SCARF1: variants seen among roughly 807,000 people sequenced by gnomAD.
SCARF1 encodes scavenger receptor class F member 1, also known as acetyl LDL receptor.
Under a neutral mutation model 76.3 loss-of-function variants are expected in SCARF1, and 49 were observed. The observed-to-expected ratio is 0.64, with a 90% CI of 0.51 to 0.81. The LOEUF (loss-of-function observed/expected upper bound fraction) is 0.81. Ranked by LOEUF, SCARF1 falls within the 40% of genes least tolerant of loss-of-function variation. SCARF1 has a pLI of 0.00. For missense variants in SCARF1, 1,098 were observed against 1,143.9 expected (o/e 0.96, Z 0.58); for synonymous variants, 495 against 474.6 (o/e 1.04, Z -0.56).
chr17:1,642,041 G>GT (rs1162091863), intron 4 of SCARF1, among the ~76,000 whole-genome samples: 1 of 152,140 alleles, frequency 6.6e-6, no homozygotes, highest in Admixed American at 6.5e-5. Flanking sequence ...ATTTCTTACT[G>GT]TGAGTGCAGC....
intron 4 of SCARF1, among the ~76,000 whole-genome samples, chr17:1,643,133 G>A (rs1273792497): frequency 1.0e-5 from 1 of 96,404 alleles, no homozygotes; most frequent in Non-Finnish European, 2.0e-5. Context: ...ACAGGTCTCC[G>A]CGCAGCCTCG....
At position 1,635,083 on chromosome 17, in the gene SCARF1, T is replaced by C. The variant is rs528973386; in HGVS notation, c.2168A>G (p.Lys723Arg). ...AGGCTTAGGGATGGCCCTCTTGACC[T>C]TGGCTTCCGCCTGGCCTTTCTGGAA... Reference protein sequence around the residue: ...GSFQKGQAEAKVKRAIPKPPR... With the variant: ...GSFQKGQAEARVKRAIPKPPR... The change falls in exon 11 of 11, where the codon AAG (lysine) becomes AGG (arginine). Residue 723 changes from lysine (K) to arginine (R), a missense_variant. Transcript: ENST00000263071. 3.7e-6 allele frequency: 6 copies of C among 1,613,982 alleles called. No individual in the cohort carries two copies. Among genetic ancestry groups the C allele is most frequent in the Non-Finnish European group, 5.1e-6 (6 of 1,179,988 alleles).
Position 1,636,860 on chromosome 17 carries a change from A to G in SCARF1, c.1487-5T>C, listed in dbSNP as rs1434733169. ...CCTCCGGGTCGTGATGTGAGACTGTAGAGACTCCAGATCAGGCGCCTGCAG... is the reference window on the plus strand; with the variant it reads ...CCTCCGGGTCGTGATGTGAGACTGTGGAGACTCCAGATCAGGCGCCTGCAG... On this transcript the variant is annotated splice_region_variant and splice_polypyrimidine_tract_variant and intron_variant, in intron 9 of 10. Coordinates refer to ENST00000263071, the MANE Select transcript of SCARF1 (RefSeq NM_003693.4). 2 of 1,613,886 alleles carry G rather than the reference A, an allele frequency of 1.2e-6. No homozygotes were observed. The highest frequency in any genetic ancestry group is 1.7e-6 in the Non-Finnish European group (2 of 1,179,962).
intron 4 of SCARF1, among the ~76,000 whole-genome samples, chr17:1,641,571 T>C (rs1468636777): frequency 6.6e-6 from 1 of 152,228 alleles, no homozygotes. Context: ...AATTTCCCAT[T>C]GATGCCTAAT....
At position 1,643,548 on chromosome 17, in the gene SCARF1, G is replaced by C; in HGVS notation, c.685C>G (p.Arg229Gly). 1 of 1,430,222 alleles carries C rather than the reference G, an allele frequency of 7.0e-7. No individual in the cohort carries two copies. The highest frequency in any genetic ancestry group is 9.1e-7 in the Non-Finnish European group (1 of 1,095,878). 88.6% of individuals were successfully genotyped at this position (1,430,222 alleles called of 1,614,324 possible). A position where few individuals can be genotyped will look rare whatever the true frequency, so the allele number is the denominator to read the frequency against. The stretch of plus-strand genomic sequence containing the variant: ...CACTCGCCGGAGGCGGCGCTGCAGC[G>C]GCCCCGCACACACTCGCACTGCTGC... ...CQQQCECVRG[R>G]CSAASGECTC... The change falls in exon 4 of 11, where the codon CGC becomes GGC. Residue 229 changes from arginine (R) to glycine (G), a missense_variant. Transcript: ENST00000263071.
chr17:1,636,140 G>A (rs1010786659), intron 10 of SCARF1, among the ~76,000 whole-genome samples: 7 of 152,026 alleles, frequency 4.6e-5, no homozygotes, highest in Non-Finnish European at 8.8e-5. Context: ...CACACACATC[G>A]TCCCTGACCC....
Position 1,645,051 on chromosome 17 carries a change from G to A in SCARF1, c.164-116C>T. ...AAGAGGTGCCCCTTCAGGCCTGGGG[G>A]TGCGTCACAGGAGAAACCCTGACTC... is the stretch of plus-strand genomic sequence containing the variant. On this transcript the variant is annotated intron_variant, in intron 2 of 10. Transcript: ENST00000263071. The surrounding 1 kb of genome is among the most constrained non-coding windows in gnomAD (Gnocchi z 6.3). The A allele has an allele frequency of 6.6e-7, 1 of 1,520,936 alleles. No individual in the cohort carries two copies. Among genetic ancestry groups the A allele is most frequent in the Non-Finnish European group, 9.0e-7 (1 of 1,110,280 alleles). The allele number at this position is 1,520,936 out of a possible 1,614,324, so 94.2% of individuals were successfully genotyped here. A position where few individuals can be genotyped will look rare whatever the true frequency, so the allele number is the denominator to read the frequency against.
chr17:1,645,146 T>A lies in SCARF1; in HGVS notation c.163+32A>T. On this transcript the variant is annotated intron_variant, in intron 2 of 10. Coordinates refer to ENST00000263071, the MANE Select transcript of SCARF1 (RefSeq NM_003693.4). The surrounding 1 kb of genome is among the most constrained non-coding windows in gnomAD (Gnocchi z 6.3). ...TGTCACTGGGCTACGGCCTCCCTTC[T>A]CCTTGGCTGAGGGTCTGTCCTGGCT... The A allele has an allele frequency of 1.2e-6, 2 of 1,613,514 alleles. No homozygotes were observed. Among genetic ancestry groups the A allele is most frequent in the Non-Finnish European group, 1.7e-6 (2 of 1,179,720 alleles).
intron 8 of SCARF1, chr17:1,638,064 G>A (rs1909729303): frequency 6.6e-6 from 1 of 152,138 alleles, no homozygotes; most frequent in Admixed American, 6.5e-5. Flanking sequence ...AGGTGGAGAG[G>A]GGCTTCCTGT....
chr17:1,642,727 T>C (rs1910154250), intron 4 of SCARF1, among the ~76,000 whole-genome samples: 1 of 152,210 alleles, frequency 6.6e-6, no homozygotes. Flanking sequence ...TTTGTTTTGT[T>C]TGAGACGGAG....
rs1909929987 is a variant in SCARF1, at chr17:1,640,287, C to G, written c.1010+161G>C. On this transcript the variant is annotated intron_variant, in intron 5 of 10. Coordinates refer to ENST00000263071, the MANE Select transcript of SCARF1 (RefSeq NM_003693.4). The surrounding 1 kb of genome is among the most constrained non-coding windows in gnomAD (Gnocchi z 4.7). ...GAGGGAGCTGGGATCCTGCCCAGGC[C>G]CCCCCAGAACCCACTGCTCTCCCCC... 10 of 791,320 alleles carry G rather than the reference C, an allele frequency of 1.3e-5. No individual in the cohort carries two copies. Among genetic ancestry groups the G allele is most frequent in the Non-Finnish European group, 1.6e-5 (8 of 505,896 alleles). The allele number at this position is 791,320 out of a possible 1,614,324, so 49.0% of individuals were successfully genotyped here.
intron 8 of SCARF1, 159 bp downstream of exon 8, chr17:1,638,643 CTCTG>C: frequency 5.1e-6 from 5 of 975,216 alleles, no homozygotes; most frequent in Non-Finnish European, 7.1e-6. Context: ...CCCCCATCAC[CTCTG>C]ACCCACGGGG....
At position 1,638,875 on chromosome 17, in the gene SCARF1, A is replaced by C; in HGVS notation, c.1295T>G (p.Leu432Arg). 1.9e-6 allele frequency: 3 copies of C among 1,610,752 alleles called. No individual in the cohort carries two copies. The highest frequency in any genetic ancestry group is 2.5e-6 in the Non-Finnish European group (3 of 1,178,214). Residue 432 changes from leucine (L) to arginine (R), a missense_variant, in exon 8 of 11, where the codon CTG becomes CGG. Coordinates refer to ENST00000263071, the MANE Select transcript of SCARF1 (RefSeq NM_003693.4). The stretch of plus-strand genomic sequence containing the variant: ...GCAGGCAAGGCCCAGGAAGAGCAGC[A>C]GCAGAGGCACAAGGCTGCCCGCGAT... ...ALIAGSLVPL[L>R]LLFLGLACCA...
chr17:1,645,686 C>T lies in SCARF1; in HGVS notation c.12G>A (p.Gly4=), dbSNP rs528413033. 10 of 1,604,414 alleles carry T rather than the reference C, an allele frequency of 6.2e-6. No homozygotes were observed. In the South Asian group the frequency reaches 8.9e-5, roughly 14 times the overall value. Residue 4 remains glycine, a synonymous_variant, in exon 1 of 11, where the codon GGG becomes GGA. Transcript: ENST00000263071. This position sits in a 1 kb window ranked among gnomAD's most constrained non-coding sequence, Gnocchi z 6.3. MGL[G]LLLPLLLLWT... is the part of the protein sequence containing the mutation. ...AGAGCAGCAGCAGCGGGAGCAGCAG[C>T]CCCAGCCCCATGGCAGGCAGCTCGG...
In SCARF1 at chr17:1,640,333, C is replaced by A. The variant is rs915584794; in HGVS notation, c.1010+115G>T. On this transcript the variant is annotated intron_variant, in intron 5 of 10. Coordinates refer to ENST00000263071, the MANE Select transcript of SCARF1 (RefSeq NM_003693.4). The surrounding 1 kb of genome is among the most constrained non-coding windows in gnomAD (Gnocchi z 4.7). ...CCCCCAGTCTTCAACAGGAGGGAGG[C>A]CCCTGGGGCCGCATGAACCTGTGTG... 9.8e-6 allele frequency: 10 copies of A among 1,020,678 alleles called. No individual in the cohort carries two copies. The African/African-American group carries it at 1.1e-4, about 12-fold the overall frequency. 63.2% of individuals were successfully genotyped at this position (1,020,678 alleles called of 1,614,324 possible). A position where few individuals can be genotyped will look rare whatever the true frequency, so the allele number is the denominator to read the frequency against.
rs1381418794 is a variant in SCARF1 at position 1,643,984 on chromosome 17, G to T, written c.266-17C>A. The T allele has an allele frequency of 7.6e-7, 1 of 1,313,280 alleles. No individual in the cohort carries two copies. The highest frequency in any genetic ancestry group is 2.1e-5 in the South Asian group (1 of 47,872). 81.4% of individuals were successfully genotyped at this position (1,313,280 alleles called of 1,614,324 possible). A position where few individuals can be genotyped will look rare whatever the true frequency, so the allele number is the denominator to read the frequency against. ...CCGGGCAGCCTGCGGGGGTGGGGACGGGAGGGGTCAGCGGGCTCAGGGCCG... is the reference window on the plus strand; with the variant it reads ...CCGGGCAGCCTGCGGGGGTGGGGACTGGAGGGGTCAGCGGGCTCAGGGCCG... On this transcript the variant is annotated splice_polypyrimidine_tract_variant and intron_variant, in intron 3 of 10. Coordinates refer to ENST00000263071, the MANE Select transcript of SCARF1 (RefSeq NM_003693.4).
At position 1,644,761 on chromosome 17, in the gene SCARF1, C is replaced by T; in HGVS notation, c.265+73G>A. 2 of 1,419,808 alleles carry T rather than the reference C, an allele frequency of 1.4e-6. No homozygotes were observed. Among genetic ancestry groups the T allele is most frequent in the Admixed American group, 3.9e-5 (2 of 51,102 alleles). 88.0% of individuals were successfully genotyped at this position (1,419,808 alleles called of 1,614,324 possible). On this transcript the variant is annotated intron_variant, in intron 3 of 10. Transcript: ENST00000263071. This position sits in a 1 kb window ranked among gnomAD's most constrained non-coding sequence, Gnocchi z 4.8. ...TGTCCTGAGGCTGCATGGCTACCTG[C>T]CTCGCCTGCTCCCACACCACTGCCC...
At chr17:1,638,468 C>G (rs1909758120) in intron 8 of SCARF1, 1 of 184,410 alleles carries the variant, frequency 5.4e-6, no homozygotes, top group Admixed American at 6.2e-5. Flanking sequence ...GCTGCAGGCT[C>G]CGGTTCGCCA....
intron 10 of SCARF1, 117 bp downstream of exon 10, chr17:1,636,592 A>G: frequency 4.1e-6 from 5 of 1,225,172 alleles, no homozygotes; most frequent in Non-Finnish European, 5.6e-6. Flanking sequence ...CAGCCTGGCG[A>G]CAGAGCAAGA....
Sources: gnomAD v4.1 joint callset for allele counts (sites outside exome capture counted in the v4.1 genomes callset) on GRCh38, gnomAD v4.1.1 for gene constraint, Gnocchi (gnomAD v3.1) non-coding constraint, MANE v1.5 for transcripts, NCBI Gene and HGNC (gene_info 2026-07-23, HGNC 2026-07-21) for gene names.